The following CDKAL1 variants were observed in gnomAD, a reference collection of about 807,000 sequenced individuals.
CDKAL1 encodes the protein CDKAL1 threonylcarbamoyladenosine tRNA methylthiotransferase.
CDKAL1 carries 32 observed loss-of-function variants against 68.2 expected under a neutral mutation model. The ratio of observed to expected loss-of-function variants is 0.47; its 90% CI spans 0.35 to 0.63. The LOEUF (loss-of-function observed/expected upper bound fraction) is 0.63, where lower values mean the gene tolerates loss of function less well. Among genes scored for constraint, CDKAL1 ranks in the 30% least tolerant of loss-of-function variants. CDKAL1 has a pLI of 0.00. For synonymous variants in CDKAL1, 234 were observed against 244.3 expected (o/e 0.96, Z 0.39); for missense variants, 606 against 696.7 (o/e 0.87, Z 1.47).
intron 11 of CDKAL1, among the ~76,000 whole-genome samples, chr6:21,061,281 G>A (rs1384480596): frequency 6.6e-6 from 1 of 151,944 alleles, no homozygotes; most frequent in African/African-American, 2.4e-5. Flanking sequence ...CATTTTGCCA[G>A]TAAATATAGG....
In CDKAL1 at chr6:20,636,665, G is replaced by A. The variant is rs145678227; in HGVS notation, c.287-12628G>A. 1.4e-3 allele frequency among the ~76,000 whole-genome samples: 210 copies of A among 152,272 alleles called. 1 individual carries two copies. The highest frequency in any genetic ancestry group is 4.5e-3 in the African/African-American group (189 of 41,552). On this transcript the variant is annotated intron_variant, in intron 4 of 15. Transcript: ENST00000274695. ...CCAAATCTAGGTCCTCTGAAACTCCGAGTCCTGAGAGGTGGGATGGGGGAG... is the reference window on the plus strand; with the variant it reads ...CCAAATCTAGGTCCTCTGAAACTCCAAGTCCTGAGAGGTGGGATGGGGGAG...
intron 4 of CDKAL1, among the ~76,000 whole-genome samples, chr6:20,605,956 C>G (rs1416974164): frequency 6.6e-6 from 1 of 152,194 alleles, no homozygotes; most frequent in Non-Finnish European, 1.5e-5. Flanking sequence ...TTGATTTCCT[C>G]AAATTCTTAA....
At chr6:20,990,631 T>G (rs1486609813) in intron 10 of CDKAL1, among the ~76,000 whole-genome samples, 1 of 152,288 alleles carries the variant, frequency 6.6e-6, no homozygotes, top group African/African-American at 2.4e-5. Flanking sequence ...AAGTTTCCTT[T>G]CTTGCGCTCC....
chr6:20,780,132 A>G (rs1025751372), intron 7 of CDKAL1, among the ~76,000 whole-genome samples: 26 of 151,190 alleles, frequency 1.7e-4, no homozygotes, highest in Non-Finnish European at 3.2e-4. Context: ...ACAAAATGCA[A>G]TATGTCCATA....
chr6:20,556,352 T>C (rs543233816), intron 4 of CDKAL1, among the ~76,000 whole-genome samples: 1 of 151,764 alleles, frequency 6.6e-6, no homozygotes, highest in Non-Finnish European at 1.5e-5. Context: ...GTAACAAGAC[T>C]GAAACTCCGC....
intron 9 of CDKAL1, among the ~76,000 whole-genome samples, chr6:20,912,717 A>G (rs1762521158): frequency 6.6e-6 from 1 of 152,176 alleles, no homozygotes; most frequent in Non-Finnish European, 1.5e-5. Context: ...ATCTATTGCT[A>G]TATAACAAAT....
At chr6:20,978,593 G>A (rs867369802) in intron 10 of CDKAL1, among the ~76,000 whole-genome samples, 3 of 152,162 alleles carry the variant, frequency 2.0e-5, no homozygotes, top group South Asian at 2.1e-4. Context: ...TATTTGAGAT[G>A]CTATAAACGA....
At chr6:20,622,280 A>G (rs1767228729) in intron 4 of CDKAL1, among the ~76,000 whole-genome samples, 1 of 152,064 alleles carries the variant, frequency 6.6e-6, no homozygotes, top group South Asian at 2.1e-4. Context: ...TTTTTTATAC[A>G]CAAGTTTCCC....
chr6:21,171,415 T>C (rs1178846454), intron 13 of CDKAL1, among the ~76,000 whole-genome samples: 2 of 152,092 alleles, frequency 1.3e-5, no homozygotes, highest in African/African-American at 2.4e-5. Flanking sequence ...GGGTTCACCA[T>C]GTTAGCCAGG....
intron 13 of CDKAL1, among the ~76,000 whole-genome samples, chr6:21,113,754 C>T (rs1774244216): frequency 6.6e-6 from 1 of 151,346 alleles, no homozygotes; most frequent in Non-Finnish European, 1.5e-5. Context: ...CAGGCATGAG[C>T]CACCGTGCCT....
At chr6:21,045,330 C>A (rs1348082494) in intron 11 of CDKAL1, among the ~76,000 whole-genome samples, 1 of 152,184 alleles carries the variant, frequency 6.6e-6, no homozygotes, top group Non-Finnish European at 1.5e-5. Flanking sequence ...TCCTCAGATT[C>A]TTTTGCCAAA....
intron 12 of CDKAL1, among the ~76,000 whole-genome samples, chr6:21,078,710 C>T (rs536843161): frequency 3.9e-5 from 6 of 152,110 alleles, no homozygotes; most frequent in Non-Finnish European, 7.4e-5. Flanking sequence ...TCTCACACAG[C>T]GGGGTGCAGG....
intron 9 of CDKAL1, among the ~76,000 whole-genome samples, chr6:20,860,466 C>G (rs1267352500): frequency 6.6e-6 from 1 of 152,078 alleles, no homozygotes; most frequent in Non-Finnish European, 1.5e-5. Flanking sequence ...GTGAGAATAC[C>G]TTTGTTATTC....
chr6:20,805,515 G>T (rs1235988644), intron 8 of CDKAL1, among the ~76,000 whole-genome samples: 2 of 152,214 alleles, frequency 1.3e-5, no homozygotes, highest in East Asian at 1.9e-4. Context: ...AGGCACAGTG[G>T]AGTGAGGATT....
intron 12 of CDKAL1, among the ~76,000 whole-genome samples, chr6:21,095,368 A>G (rs1430116636): frequency 6.6e-6 from 1 of 152,220 alleles, no homozygotes; most frequent in Non-Finnish European, 1.5e-5. Flanking sequence ...CATTTGATAC[A>G]GAAACCTACA....
chr6:20,679,709 C>T (rs1179211133), intron 5 of CDKAL1, among the ~76,000 whole-genome samples: 2 of 152,086 alleles, frequency 1.3e-5, no homozygotes, highest in African/African-American at 4.8e-5. Context: ...AATGCTTTTC[C>T]ATTGTTGCAT....
intron 6 of CDKAL1, among the ~76,000 whole-genome samples, chr6:20,745,508 T>G (rs1334052757): frequency 6.6e-6 from 1 of 152,204 alleles, no homozygotes; most frequent in Non-Finnish European, 1.5e-5. Flanking sequence ...CATGTAAATT[T>G]AAACACCCAT....
At chr6:20,886,694 C>T (rs1299499264) in intron 9 of CDKAL1, among the ~76,000 whole-genome samples, 1 of 152,000 alleles carries the variant, frequency 6.6e-6, no homozygotes, top group Non-Finnish European at 1.5e-5. Flanking sequence ...TGGGCAAATT[C>T]ATGGAGACAA....
intron 8 of CDKAL1, among the ~76,000 whole-genome samples, chr6:20,840,306 G>A (rs1293357549): frequency 6.6e-6 from 1 of 152,158 alleles, no homozygotes; most frequent in African/African-American, 2.4e-5. Context: ...TAAAGATTGT[G>A]ATGATTTTTT....
Sources: allele counts gnomAD v4.1 joint callset (sites outside exome capture counted in the v4.1 genomes callset), GRCh38; gene constraint gnomAD v4.1.1; transcripts MANE v1.5; gene names NCBI Gene and HGNC (gene_info 2026-07-23, HGNC 2026-07-21).